Variants in LARP1 observed in about 807,000 individuals in gnomAD.
LARP1 encodes the protein La ribonucleoprotein 1, translational regulator, also known as la-related protein 1.
LARP1 carries 36 observed loss-of-function variants against 122.7 expected under a neutral mutation model. That is an observed-to-expected ratio of 0.29 (90% CI 0.22 to 0.39). LARP1 has a LOEUF of 0.39. Among genes scored for constraint, LARP1 ranks in the 10% least tolerant of loss-of-function variants. The pLI, the probability that LARP1 is intolerant of heterozygous loss-of-function variation, is 1.00. For synonymous variants in LARP1, 539 were observed against 528.7 expected (o/e 1.02, Z -0.27); for missense variants, 1,040 against 1,403.6 (o/e 0.74, Z 4.14).
intron 1 of LARP1, among the ~76,000 whole-genome samples, chr5:154,703,071 A>C (rs1041689121): frequency 1.4e-5 from 2 of 146,470 alleles, no homozygotes. Flanking sequence ...CAGTGAGCCA[A>C]GATCGCACCA....
At chr5:154,751,247 C>T (rs1753472324), upstream of LARP1, among the ~76,000 whole-genome samples, 1 of 152,124 alleles carries the variant, frequency 6.6e-6, no homozygotes, top group South Asian at 2.1e-4. Context: ...TGAAAAACCC[C>T]ACTCTGATAG....
intron 1 of LARP1, among the ~76,000 whole-genome samples, chr5:154,782,322 A>G (rs1756517997): frequency 6.6e-6 from 1 of 152,214 alleles, no homozygotes; most frequent in African/African-American, 2.4e-5. Flanking sequence ...CTTGGAGGCC[A>G]GGAGCTTTAG....
upstream of LARP1, among the ~76,000 whole-genome samples, chr5:154,755,229 T>C (rs1176578619): frequency 8.1e-6 from 1 of 123,114 alleles, no homozygotes; most frequent in Non-Finnish European, 1.7e-5. Context: ...CGCCGCCTCC[T>C]GCCCGCCCGT....
rs578217383 is a variant in LARP1, at chr5:154,786,277, G to C, written c.437-4048G>C. Among the ~76,000 whole-genome samples the C allele has an allele frequency of 2.0e-5, 3 of 152,224 alleles. No individual in the cohort carries two copies. The East Asian group carries it at 5.8e-4, about 29-fold the overall frequency. On this transcript the variant is annotated intron_variant, in intron 1 of 18. Transcript: ENST00000518297. The stretch of plus-strand genomic sequence containing the variant: ...GCTGGTCTCTAACTCCTGACCTCAG[G>C]TAATCTGCCCGCCTCGGCCTCCCAA...
chr5:154,788,478 A>G (rs1442125480), intron 1 of LARP1, among the ~76,000 whole-genome samples: 4 of 152,184 alleles, frequency 2.6e-5, no homozygotes, highest in Non-Finnish European at 5.9e-5. Context: ...CATGGGTCTG[A>G]TCAAGGAGTT....
chr5:154,738,501 A>C (rs1428265205), intron 1 of LARP1, among the ~76,000 whole-genome samples: 1 of 152,170 alleles, frequency 6.6e-6, no homozygotes, highest in African/African-American at 2.4e-5. Flanking sequence ...CTGAGGCAGG[A>C]GAATCGCTTG....
chr5:154,751,008 CCT>C (rs949853473), upstream of LARP1, among the ~76,000 whole-genome samples: 1 of 152,112 alleles, frequency 6.6e-6, no homozygotes, highest in African/African-American at 2.4e-5. Flanking sequence ...CTTTTTTTGG[CCT>C]CTCTTTTTTT....
intron 1 of LARP1, among the ~76,000 whole-genome samples, chr5:154,730,899 G>A (rs1285553191): frequency 7.1e-6 from 1 of 140,192 alleles, no homozygotes; most frequent in African/African-American, 2.7e-5. Context: ...ACAGAGTCGC[G>A]TTCTGTTGCC....
chr5:154,760,238 C>T (rs1343499582), intron 1 of LARP1, among the ~76,000 whole-genome samples: 5 of 152,176 alleles, frequency 3.3e-5, no homozygotes, highest in Admixed American at 6.5e-5. Context: ...CCACCGCGCC[C>T]GGCCCTAGGA....
rs199956249 is a variant in LARP1 at position 154,802,132 on chromosome 5, G to A, written c.1842G>A (p.Glu614=). ...ELDFLFDEEM[E]QMDGRKNTFT... The stretch of plus-strand genomic sequence containing the variant: ...ATTTTCTGTTTGACGAGGAGATGGA[G>A]CAGATGGATGGGCGGAAGAACACCT... The change falls in exon 11 of 19, where the codon GAG becomes GAA. Residue 614 remains glutamate (E), a synonymous_variant. Coordinates refer to ENST00000518297, the MANE Select transcript of LARP1 (RefSeq NM_033551.3). The surrounding 1 kb of genome is among the most constrained non-coding windows in gnomAD (Gnocchi z 5.1). The A allele has an allele frequency of 5.8e-4, 937 of 1,614,220 alleles. 8 individuals carry two copies. Among genetic ancestry groups the A allele is most frequent in the Non-Finnish European group, 7.2e-5 (85 of 1,180,038 alleles).
At chr5:154,690,909 C>T (rs1189203404) in intron 1 of LARP1, among the ~76,000 whole-genome samples, 1 of 152,182 alleles carries the variant, frequency 6.6e-6, no homozygotes, top group Admixed American at 6.5e-5. Flanking sequence ...TCCCAGCCGC[C>T]GGTCCTCAGC....
At chr5:154,742,267 A>C (rs1378065498) in intron 1 of LARP1, among the ~76,000 whole-genome samples, 1 of 152,192 alleles carries the variant, frequency 6.6e-6, no homozygotes, top group Non-Finnish European at 1.5e-5. Flanking sequence ...CTCTACAAAA[A>C]ATACAAAAAA....
upstream of LARP1, among the ~76,000 whole-genome samples, chr5:154,708,637 G>C (rs1327749554): frequency 6.6e-6 from 1 of 152,114 alleles, no homozygotes; most frequent in African/African-American, 2.4e-5. Context: ...TTTTGAGACA[G>C]AGTTTCATTC....
In LARP1 at chr5:154,816,733, A is replaced by C. The variant is rs1285553007; in HGVS notation, c.*2637A>C. On this transcript the variant is annotated 3_prime_UTR_variant, in exon 19 of 19. Coordinates refer to ENST00000518297, the MANE Select transcript of LARP1 (RefSeq NM_033551.3). ...GTCCCATGGGGATCCAAGACCTGAG[A>C]TAAAGCAACAGCCTGCCCAGATCCC... 1 of 152,490 alleles carries C rather than the reference A, an allele frequency of 6.6e-6. No homozygotes were observed. Among genetic ancestry groups the C allele is most frequent in the Non-Finnish European group, 1.5e-5 (1 of 68,126 alleles). The allele number at this position is 152,490 out of a possible 1,614,324, so 9.4% of individuals were successfully genotyped here.
At chr5:154,715,635 A>C (rs982993612) in intron 1 of LARP1, among the ~76,000 whole-genome samples, 1 of 152,132 alleles carries the variant, frequency 6.6e-6, no homozygotes, top group Admixed American at 6.5e-5. Flanking sequence ...TGGCATCTCA[A>C]AATCCTCCCA....
rs1016563590 is a variant in LARP1, at chr5:154,802,062, C to T, written c.1772C>T (p.Ser591Phe). The change falls in exon 11 of 19, where the codon TCC (serine) becomes TTC (phenylalanine). Residue 591 changes from serine (S) to phenylalanine (F), a missense_variant. Coordinates refer to ENST00000518297, the MANE Select transcript of LARP1 (RefSeq NM_033551.3). This position sits in a 1 kb window ranked among gnomAD's most constrained non-coding sequence, Gnocchi z 5.1. ...ACCTCTCTGCCTCAGCAGCTGCCTT[C>T]CCAGCAGCTGATGTCCAAGGATCAG... Reference protein sequence around the residue: ...HLTSLPQQLPSQQLMSKDQDE... With the variant: ...HLTSLPQQLPFQQLMSKDQDE... The T allele has an allele frequency of 6.2e-7, 1 of 1,613,898 alleles. No individual in the cohort carries two copies. Among genetic ancestry groups the T allele is most frequent in the African/African-American group, 1.3e-5 (1 of 74,922 alleles).
chr5:154,688,553 G>T (rs1754042787), intron 1 of LARP1, among the ~76,000 whole-genome samples: 1 of 150,918 alleles, frequency 6.6e-6, no homozygotes, highest in South Asian at 2.1e-4. Context: ...TACTTGGGAG[G>T]CTGAGGAGGA....
Position 154,802,422 on chromosome 5 carries a change from A to G in LARP1, c.2109+23A>G. 1 of 1,565,056 alleles carries G rather than the reference A, an allele frequency of 6.4e-7. No individual in the cohort carries two copies. Among genetic ancestry groups the G allele is most frequent in the Non-Finnish European group, 8.7e-7 (1 of 1,155,344 alleles). Reference sequence around the variant, plus strand: ...AAGGTGAGGCTTGGACATAGCAGTGAGTGTGGAGCCTGGTGTGCCTGTATT... The same window carrying G: ...AAGGTGAGGCTTGGACATAGCAGTGGGTGTGGAGCCTGGTGTGCCTGTATT... On this transcript the variant is annotated intron_variant, in intron 11 of 18. Transcript: ENST00000518297. The surrounding 1 kb of genome is among the most constrained non-coding windows in gnomAD (Gnocchi z 5.1).
chr5:154,805,850 C>T, intron 14 of LARP1, 31 bp from the exon 15 acceptor site: 1 of 1,606,524 alleles, frequency 6.2e-7, no homozygotes, highest in Non-Finnish European at 8.5e-7. Flanking sequence ...TGTGGGGAAC[C>T]TGGTGACAGT....
Sources: gnomAD v4.1 joint callset for allele counts (sites outside exome capture counted in the v4.1 genomes callset) on GRCh38, gnomAD v4.1.1 for gene constraint, Gnocchi (gnomAD v3.1) non-coding constraint, MANE v1.5 for transcripts, NCBI Gene and HGNC (gene_info 2026-07-23, HGNC 2026-07-21) for gene names.